Variants in TNR observed in about 807,000 individuals in gnomAD.
The protein encoded by TNR is tenascin-R.
In TNR, 45 loss-of-function variants were observed where a neutral mutation model predicts 150.4. That is an observed-to-expected ratio of 0.30 (90% CI 0.24 to 0.38). TNR has a LOEUF of 0.38. TNR is among the 10% of genes least tolerant of loss of function. TNR has a pLI of 1.00. For missense variants in TNR, 1,544 were observed against 1,759.1 expected (o/e 0.88, Z 2.19); for synonymous variants, 687 against 678.4 (o/e 1.01, Z -0.20).
intron 1 of TNR, among the ~76,000 whole-genome samples, chr1:175,614,457 G>T (rs965881736): frequency 1.3e-5 from 2 of 152,228 alleles, no homozygotes; most frequent in Non-Finnish European, 2.9e-5. Context: ...ACACTTAAGA[G>T]AAGTCCCTGC....
chr1:175,402,641 T>C (rs1653767840), intron 4 of TNR, among the ~76,000 whole-genome samples: 1 of 152,250 alleles, frequency 6.6e-6, no homozygotes, highest in Non-Finnish European at 1.5e-5. Context: ...TCTTGCAATC[T>C]GTAAGCTCCA....
chr1:175,417,003 A>G (rs944556988), intron 2 of TNR, among the ~76,000 whole-genome samples: 31 of 37,498 alleles, frequency 8.3e-4, no homozygotes, highest in East Asian at 1.2e-3. Context: ...GCGAGACTCC[A>G]TCTCAAAAAA....
chr1:175,360,077 C>G (rs1256670323), intron 14 of TNR, among the ~76,000 whole-genome samples: 2 of 152,144 alleles, frequency 1.3e-5, no homozygotes, highest in Non-Finnish European at 2.9e-5. Flanking sequence ...ATGGAGCAAC[C>G]AAGAACCCAC....
chr1:175,482,447 C>A (rs990842390), intron 2 of TNR, among the ~76,000 whole-genome samples: 2 of 152,064 alleles, frequency 1.3e-5, no homozygotes, highest in Non-Finnish European at 2.9e-5. Context: ...AACAGGAGAC[C>A]CTTAATGGCC....
chr1:175,534,124 G>C (rs563381235), intron 1 of TNR, among the ~76,000 whole-genome samples: 1 of 152,314 alleles, frequency 6.6e-6, no homozygotes, highest in African/African-American at 2.4e-5. Flanking sequence ...TATGTTGGTG[G>C]CTCAACAACC....
rs1006738448 is a variant in TNR, at chr1:175,413,189, C to T, written c.-63-6412G>A. Among the ~76,000 whole-genome samples the T allele has an allele frequency of 4.6e-5, 7 of 152,310 alleles. No individual in the cohort carries two copies. In the East Asian group the frequency reaches 1.2e-3, roughly 25 times the overall value. Reference sequence around the variant, plus strand: ...TATAGGCGTGTGCCACCATGCCCAGCTAATTTTTGTATTTTTAGTAGATAT... The same window carrying T: ...TATAGGCGTGTGCCACCATGCCCAGTTAATTTTTGTATTTTTAGTAGATAT... On this transcript the variant is annotated intron_variant, in intron 2 of 22. Transcript: ENST00000367674.
chr1:175,518,788 T>G (rs1659518239), intron 2 of TNR, among the ~76,000 whole-genome samples: 1 of 152,212 alleles, frequency 6.6e-6, no homozygotes, highest in Admixed American at 6.5e-5. Context: ...TACATTTCGG[T>G]TGCCCTCACC....
At chr1:175,349,260 C>T (rs1300157738) in intron 18 of TNR, among the ~76,000 whole-genome samples, 1 of 152,146 alleles carries the variant, frequency 6.6e-6, no homozygotes, top group African/African-American at 2.4e-5. Flanking sequence ...AAGGCATTAC[C>T]TTAGTGATCC....
chr1:175,472,772 C>G (rs888772285), intron 2 of TNR, among the ~76,000 whole-genome samples: 82 of 152,146 alleles, frequency 5.4e-4, no homozygotes, highest in African/African-American at 1.9e-3. Flanking sequence ...ATGTAGTCAT[C>G]TGGGTTCCAT....
chr1:175,625,440 TG>T (rs1433525910), intron 1 of TNR, among the ~76,000 whole-genome samples: 4 of 152,244 alleles, frequency 2.6e-5, no homozygotes, highest in Non-Finnish European at 5.9e-5. Flanking sequence ...TAGCAGCATC[TG>T]GGGAAATGTG....
At chr1:175,553,574 C>T (rs1023364802) in intron 1 of TNR, among the ~76,000 whole-genome samples, 4 of 152,158 alleles carry the variant, frequency 2.6e-5, no homozygotes, top group Non-Finnish European at 4.4e-5. Flanking sequence ...ATCCCTAACA[C>T]TTCTTCCCTT....
At chr1:175,609,080 C>T (rs1663511005) in intron 1 of TNR, among the ~76,000 whole-genome samples, 1 of 152,108 alleles carries the variant, frequency 6.6e-6, no homozygotes, top group Non-Finnish European at 1.5e-5. Context: ...AGTGTCTGTC[C>T]CTGGGGAATG....
intron 1 of TNR, among the ~76,000 whole-genome samples, chr1:175,737,867 C>G (rs974678246): frequency 6.6e-6 from 1 of 152,142 alleles, no homozygotes; most frequent in Non-Finnish European, 1.5e-5. Flanking sequence ...GTCCCTGACC[C>G]CAGAACTCCT....
intron 1 of TNR, among the ~76,000 whole-genome samples, chr1:175,684,244 T>A (rs766600560): frequency 1.1e-4 from 16 of 152,084 alleles, no homozygotes; most frequent in Non-Finnish European, 2.1e-4. Flanking sequence ...CAAAATATAT[T>A]GAGCTTCGAC....
chr1:175,729,559 C>A (rs546236499), intron 1 of TNR, among the ~76,000 whole-genome samples: 1 of 152,164 alleles, frequency 6.6e-6, no homozygotes, highest in Non-Finnish European at 1.5e-5. Flanking sequence ...TCCCAAAACA[C>A]TGGGATTACA....
chr1:175,732,182 T>C (rs1422301269), intron 1 of TNR, among the ~76,000 whole-genome samples: 1 of 152,230 alleles, frequency 6.6e-6, no homozygotes, highest in Non-Finnish European at 1.5e-5. Flanking sequence ...GGCTTGGCTG[T>C]ATCTGCCTTC....
At chr1:175,740,236 C>T (rs1230634307) in intron 1 of TNR, among the ~76,000 whole-genome samples, 1 of 152,184 alleles carries the variant, frequency 6.6e-6, no homozygotes, top group African/African-American at 2.4e-5. Context: ...AATGTAGCAG[C>T]ATAAGCTATG....
intron 2 of TNR, among the ~76,000 whole-genome samples, chr1:175,414,041 GA>G (rs1264465362): frequency 6.6e-6 from 1 of 152,160 alleles, no homozygotes; most frequent in Non-Finnish European, 1.5e-5. Context: ...GCTGAGGTGG[GA>G]AGGTCACTTG....
chr1:175,433,299 C>T (rs1350576014), intron 2 of TNR, among the ~76,000 whole-genome samples: 2 of 152,182 alleles, frequency 1.3e-5, no homozygotes, highest in Admixed American at 1.3e-4. Context: ...ATTCACTAAC[C>T]TCATCAAAAA....
Sources: gnomAD v4.1 joint callset for allele counts (sites outside exome capture counted in the v4.1 genomes callset) on GRCh38, gnomAD v4.1.1 for gene constraint, MANE v1.5 for transcripts, NCBI Gene and HGNC (gene_info 2026-07-23, HGNC 2026-07-21) for gene names.